SOCS5: variants seen among roughly 807,000 people sequenced by gnomAD.
The protein encoded by SOCS5 is CIS-6.
In SOCS5, 32 loss-of-function variants were observed where a neutral mutation model predicts 42.8. The ratio of observed to expected loss-of-function variants is 0.75; its 90% CI spans 0.56 to 1.01. The LOEUF (loss-of-function observed/expected upper bound fraction) is 1.01. SOCS5 is among the 50% of genes least tolerant of loss of function. SOCS5 has a pLI of 0.00. For missense variants in SOCS5, 627 were observed against 653.0 expected (o/e 0.96, Z 0.43); for synonymous variants, 283 against 229.6 (o/e 1.23, Z -2.10).
At chr2:46,740,484 A>G (rs1673346674) in intron 1 of SOCS5, among the ~76,000 whole-genome samples, 1 of 152,212 alleles carries the variant, frequency 6.6e-6, no homozygotes, top group African/African-American at 2.4e-5. Context: ...TCACAAAAAG[A>G]AATAGAGATT....
chr2:46,743,939 G>A (rs1368089356), intron 1 of SOCS5, among the ~76,000 whole-genome samples: 1 of 151,900 alleles, frequency 6.6e-6, no homozygotes, highest in Non-Finnish European at 1.5e-5. Flanking sequence ...AGTCAAAGAA[G>A]AATTTTTTTG....
At chr2:46,712,112 C>G (rs892276298) in intron 1 of SOCS5, among the ~76,000 whole-genome samples, 7 of 151,980 alleles carry the variant, frequency 4.6e-5, no homozygotes, top group African/African-American at 1.7e-4. Flanking sequence ...ACAAAAAAGC[C>G]TTTTGGAATT....
chr2:46,755,817 T>C (rs1286213420), intron 1 of SOCS5, among the ~76,000 whole-genome samples: 1 of 152,184 alleles, frequency 6.6e-6, no homozygotes, highest in Non-Finnish European at 1.5e-5. Flanking sequence ...AATCTGACAT[T>C]GTTAATACCA....
intron 1 of SOCS5, among the ~76,000 whole-genome samples, chr2:46,738,504 T>G (rs6760403): frequency 0.048 from 7,338 of 152,228 alleles, 633 homozygotes; most frequent in African/African-American, 0.17. Context: ...TGGGGAGACA[T>G]ATTGTTAATT....
intron 1 of SOCS5, among the ~76,000 whole-genome samples, chr2:46,710,155 A>G (rs1672585507): frequency 6.6e-6 from 1 of 152,036 alleles, no homozygotes; most frequent in African/African-American, 2.4e-5. Context: ...TTATTTATTT[A>G]TTTATTTTTT....
intron 1 of SOCS5, among the ~76,000 whole-genome samples, chr2:46,722,517 A>G (rs1672906752): frequency 6.6e-6 from 1 of 152,130 alleles, no homozygotes; most frequent in Admixed American, 6.5e-5. Context: ...GGTTGATTCC[A>G]TTTTGTTGCT....
chr2:46,727,163 T>TTTTG (rs1673016092), intron 1 of SOCS5, among the ~76,000 whole-genome samples: 1 of 147,610 alleles, frequency 6.8e-6, no homozygotes. Flanking sequence ...TTTTTTTTTT[T>TTTTG]TTTGAAACGG....
chr2:46,753,982 T>C (rs559319548), intron 1 of SOCS5, among the ~76,000 whole-genome samples: 1 of 152,268 alleles, frequency 6.6e-6, no homozygotes, highest in East Asian at 1.9e-4. Flanking sequence ...TTTAACACAA[T>C]CTGTGTTTTA....
chr2:46,735,595 A>G (rs1053659138), intron 1 of SOCS5, among the ~76,000 whole-genome samples: 1 of 151,738 alleles, frequency 6.6e-6, no homozygotes, highest in African/African-American at 2.4e-5. Flanking sequence ...TTGATTCTGG[A>G]CTTAACAGAG....
At chr2:46,731,503 C>T (rs1673123376) in intron 1 of SOCS5, among the ~76,000 whole-genome samples, 1 of 152,134 alleles carries the variant, frequency 6.6e-6, no homozygotes, top group Non-Finnish European at 1.5e-5. Context: ...AGGACCCTGC[C>T]CTCAAGGAGT....
At chr2:46,731,944 C>T (rs1343105989) in intron 1 of SOCS5, among the ~76,000 whole-genome samples, 1 of 152,176 alleles carries the variant, frequency 6.6e-6, no homozygotes, top group African/African-American at 2.4e-5. Context: ...TTGTGAGATA[C>T]TGTGAAATGG....
chr2:46,708,001 C>A (rs114902137), intron 1 of SOCS5, among the ~76,000 whole-genome samples: 2,870 of 152,186 alleles, frequency 0.019, 75 homozygotes, highest in African/African-American at 0.061. Context: ...GAATACTGTA[C>A]TGAAAATGAA....
chr2:46,723,135 A>G (rs1391223695), intron 1 of SOCS5, among the ~76,000 whole-genome samples: 1 of 152,016 alleles, frequency 6.6e-6, no homozygotes, highest in African/African-American at 2.4e-5. Flanking sequence ...ATTGTCTTTC[A>G]TGGAACAAAA....
Position 46,741,314 on chromosome 2 carries a change from G to A in SOCS5, c.-12-17205G>A, listed in dbSNP as rs543896706. On this transcript the variant is annotated intron_variant, in intron 1 of 1. Transcript: ENST00000394861. ...GAGTGCAGTGGTGCGATCTCAGCTC[G>A]CTGCAACCTCCACCTCCCAGGTTCA... Among the ~76,000 whole-genome samples the A allele has an allele frequency of 7.9e-5, 12 of 152,044 alleles. No individual in the cohort carries two copies. The East Asian group carries it at 2.1e-3, about 27-fold the overall frequency.
intron 1 of SOCS5, among the ~76,000 whole-genome samples, chr2:46,748,218 C>G (rs1468696070): frequency 1.4e-5 from 2 of 146,634 alleles, no homozygotes; most frequent in East Asian, 2.0e-4. Context: ...CACAGTCTCA[C>G]TCTGTCACCC....
Position 46,762,965 on chromosome 2 carries a change from T to G in SOCS5, c.*2824T>G, listed in dbSNP as rs1396680209. 1 of 167,096 alleles carries G rather than the reference T, an allele frequency of 6.0e-6. No homozygotes were observed. The highest frequency in any genetic ancestry group is 2.4e-5 in the African/African-American group (1 of 41,466). The allele number at this position is 167,096 out of a possible 1,614,324, so 10.4% of individuals were successfully genotyped here. A position where few individuals can be genotyped will look rare whatever the true frequency, so the allele number is the denominator to read the frequency against. ...ATATATACATTTATGTTGTTAATAT[T>G]ACTTTAGATGGCATTTCCACCTGAT... is the stretch of plus-strand genomic sequence containing the variant. On this transcript the variant is annotated 3_prime_UTR_variant, in exon 2 of 2. Transcript: ENST00000394861.
intron 1 of SOCS5, among the ~76,000 whole-genome samples, chr2:46,703,415 C>A (rs1366407788): frequency 6.6e-6 from 1 of 150,710 alleles, no homozygotes; most frequent in South Asian, 2.1e-4. Flanking sequence ...TTCTAATATT[C>A]TTTTGGTTAA....
chr2:46,726,571 T>C (rs551767973), intron 1 of SOCS5, among the ~76,000 whole-genome samples: 2 of 152,252 alleles, frequency 1.3e-5, no homozygotes, highest in Admixed American at 6.5e-5. Context: ...CCTTTTGATA[T>C]CCCAAAGGTT....
At chr2:46,736,548 G>T (rs1218167977) in intron 1 of SOCS5, among the ~76,000 whole-genome samples, 1 of 152,100 alleles carries the variant, frequency 6.6e-6, no homozygotes, top group Non-Finnish European at 1.5e-5. Context: ...TATTACTCTA[G>T]GAACCTCATG....
Sources: allele counts gnomAD v4.1 joint callset (sites outside exome capture counted in the v4.1 genomes callset), GRCh38; gene constraint gnomAD v4.1.1; transcripts MANE v1.5; gene names NCBI Gene and HGNC (gene_info 2026-07-23, HGNC 2026-07-21).